The following DEPDC1B variants were observed in gnomAD, a reference collection of about 807,000 sequenced individuals.
DEPDC1B encodes DEP domain-containing protein 1B.
Under a neutral mutation model 66.5 loss-of-function variants are expected in DEPDC1B, and 51 were observed. The ratio of observed to expected loss-of-function variants is 0.77; its 90% CI spans 0.61 to 0.97. The LOEUF is 0.97. Ranked by LOEUF, DEPDC1B falls within the 50% of genes least tolerant of loss-of-function variation. DEPDC1B has a pLI of 0.00. For synonymous variants in DEPDC1B, 226 were observed against 223.6 expected (o/e 1.01, Z -0.10); for missense variants, 552 against 637.1 (o/e 0.87, Z 1.44).
intron 2 of DEPDC1B, among the ~76,000 whole-genome samples, chr5:60,665,308 T>C (rs547225546): frequency 6.6e-6 from 1 of 152,322 alleles, no homozygotes; most frequent in African/African-American, 2.4e-5. Context: ...AATCATTATT[T>C]ATTGGACCAG....
intron 7 of DEPDC1B, among the ~76,000 whole-genome samples, chr5:60,634,530 G>A (rs1228093638): frequency 1.3e-5 from 2 of 152,028 alleles, no homozygotes; most frequent in East Asian, 3.9e-4. Flanking sequence ...AAATTAGCTG[G>A]GCATGGTGGT....
At chr5:60,631,180 G>T (rs1752916459) in intron 7 of DEPDC1B, among the ~76,000 whole-genome samples, 2 of 152,178 alleles carry the variant, frequency 1.3e-5, no homozygotes, top group South Asian at 4.1e-4. Context: ...TGAGGTCAAG[G>T]TAGACTCAAA....
intron 2 of DEPDC1B, among the ~76,000 whole-genome samples, chr5:60,668,113 ATATATATATATAAAATGGATATTT>A (rs1561384841): frequency 2.4e-5 from 2 of 84,202 alleles, no homozygotes; most frequent in Admixed American, 1.3e-4. Flanking sequence ...TGGATATTTT[ATATATATATATAAAATGGATATTT>A]TATATATATA....
intron 1 of DEPDC1B, among the ~76,000 whole-genome samples, chr5:60,699,071 T>C (rs887540370): frequency 1.3e-5 from 2 of 152,184 alleles, no homozygotes; most frequent in African/African-American, 4.8e-5. Flanking sequence ...AAGCTGGCCT[T>C]CTCAGCTCTG....
intron 2 of DEPDC1B, among the ~76,000 whole-genome samples, chr5:60,669,622 C>G (rs961634346): frequency 2.0e-5 from 3 of 152,106 alleles, no homozygotes; most frequent in African/African-American, 4.8e-5. Flanking sequence ...GATTACATTT[C>G]ACAATACTTT....
At chr5:60,617,109 G>T (rs1039518024) in intron 7 of DEPDC1B, among the ~76,000 whole-genome samples, 1 of 152,096 alleles carries the variant, frequency 6.6e-6, no homozygotes, top group Non-Finnish European at 1.5e-5. Flanking sequence ...TCACCACCAG[G>T]CCTGCCCTAA....
Position 60,645,527 on chromosome 5 carries a change from A to G in DEPDC1B, c.543T>C (p.Asn181=), listed in dbSNP as rs376997258. 5 of 1,613,052 alleles carry G rather than the reference A, an allele frequency of 3.1e-6. No homozygotes were observed. Among genetic ancestry groups the G allele is most frequent in the Non-Finnish European group, 4.2e-6 (5 of 1,179,396 alleles). Residue 181 remains asparagine, a synonymous_variant, in exon 4 of 11, where the codon AAT becomes AAC. Coordinates refer to ENST00000265036, the MANE Select transcript of DEPDC1B (RefSeq NM_018369.3). ...LVHRRQLTEA[N]VEEIWKSMTL... Reference sequence around the variant, plus strand: ...TCATAGACTTCCATATCTCTTCTACATTGGCCTCTGTCAGCTGTCTGCGGT... The same window carrying G: ...TCATAGACTTCCATATCTCTTCTACGTTGGCCTCTGTCAGCTGTCTGCGGT...
rs934308954 is a variant in DEPDC1B at position 60,632,269 on chromosome 5, C to T, written c.898+6481G>A. The stretch of plus-strand genomic sequence containing the variant: ...AATGCTTGGCTGGAGCACTCCATGC[C>T]CGTGTCCTGGAAGCCACTCCTCACC... On this transcript the variant is annotated intron_variant, in intron 7 of 10. Transcript: ENST00000265036. 3.3e-5 allele frequency among the ~76,000 whole-genome samples: 5 copies of T among 152,292 alleles called. No homozygotes were observed. In the East Asian group the frequency reaches 7.7e-4, roughly 24 times the overall value.
At chr5:60,644,583 A>G (rs141923147) in intron 5 of DEPDC1B, among the ~76,000 whole-genome samples, 162 bp downstream of exon 5, 50 of 152,300 alleles carry the variant, frequency 3.3e-4, no homozygotes, top group African/African-American at 1.2e-3. Flanking sequence ...TTCCTATGAC[A>G]TTCCCTTATT....
At position 60,655,674 on chromosome 5, in the gene DEPDC1B, G is replaced by C. The variant is rs181083596; in HGVS notation, c.315-8141C>G. ...ATTTTCTTCTGCTGGGTTTTGGTTT[G>C]TTCTTCTTTCTCTAGTTCCTTGAGG... On this transcript the variant is annotated intron_variant, in intron 2 of 10. Transcript: ENST00000265036. Among the ~76,000 whole-genome samples the C allele has an allele frequency of 1.3e-4, 20 of 148,978 alleles. 4 individuals are homozygous for C. Among genetic ancestry groups the C allele is most frequent in the African/African-American group, 5.1e-4 (20 of 39,548 alleles).
chr5:60,682,032 C>G (rs1199595023), intron 2 of DEPDC1B, among the ~76,000 whole-genome samples: 1 of 151,530 alleles, frequency 6.6e-6, no homozygotes, highest in Non-Finnish European at 1.5e-5. Flanking sequence ...TAGGCTAGAC[C>G]AAGCAGAAGA....
At chr5:60,632,560 C>CA (rs372053655) in intron 7 of DEPDC1B, among the ~76,000 whole-genome samples, 1 of 152,238 alleles carries the variant, frequency 6.6e-6, no homozygotes, top group African/African-American at 2.4e-5. Context: ...CATCTGCCCC[C>CA]ACAAGACCAA....
At chr5:60,622,618 T>C (rs551346233) in intron 7 of DEPDC1B, among the ~76,000 whole-genome samples, 5 of 152,328 alleles carry the variant, frequency 3.3e-5, no homozygotes, top group Non-Finnish European at 7.4e-5. Flanking sequence ...ATGAACTCAT[T>C]TTCCAAAGTG....
At chr5:60,662,105 C>T (rs533166405) in intron 2 of DEPDC1B, among the ~76,000 whole-genome samples, 1 of 152,072 alleles carries the variant, frequency 6.6e-6, no homozygotes, top group Admixed American at 6.5e-5. Flanking sequence ...AAAAAAACTT[C>T]AGGCCGGGCA....
chr5:60,682,259 G>A (rs1223259673), intron 2 of DEPDC1B, among the ~76,000 whole-genome samples: 13 of 152,194 alleles, frequency 8.5e-5, no homozygotes, highest in South Asian at 2.1e-4. Flanking sequence ...GCAAACTATC[G>A]CAAGGACAAA....
intron 8 of DEPDC1B, among the ~76,000 whole-genome samples, chr5:60,605,415 A>G (rs1752288266): frequency 6.6e-6 from 1 of 151,870 alleles, no homozygotes; most frequent in South Asian, 2.1e-4. Flanking sequence ...TGCAATTATT[A>G]GTTGTCAATT....
At chr5:60,686,271 T>C (rs1260023296) in intron 2 of DEPDC1B, among the ~76,000 whole-genome samples, 1 of 152,140 alleles carries the variant, frequency 6.6e-6, no homozygotes, top group Admixed American at 6.6e-5. Flanking sequence ...AACTCAACAA[T>C]TCCTTTATGG....
intron 2 of DEPDC1B, among the ~76,000 whole-genome samples, chr5:60,660,678 C>CA (rs1458010738): frequency 4.6e-5 from 7 of 151,856 alleles, no homozygotes; most frequent in East Asian, 1.9e-4. Flanking sequence ...TATCCTAAGT[C>CA]AAAAAAAGCA....
intron 2 of DEPDC1B, among the ~76,000 whole-genome samples, chr5:60,661,732 G>A (rs977063328): frequency 9.9e-5 from 15 of 152,132 alleles, no homozygotes; most frequent in African/African-American, 3.1e-4. Flanking sequence ...AGAGTTTGGC[G>A]ATCTCTGGTA....
Sources: allele counts gnomAD v4.1 joint callset (sites outside exome capture counted in the v4.1 genomes callset), GRCh38; gene constraint gnomAD v4.1.1; transcripts MANE v1.5; gene names NCBI Gene and HGNC (gene_info 2026-07-23, HGNC 2026-07-21).